Variants in GLMN observed in about 807,000 individuals in gnomAD.
GLMN encodes the protein glomulin, FKBP associated protein.
A neutral mutation model predicts 87.8 loss-of-function variants in GLMN; 75 were observed. The observed-to-expected ratio is 0.85, with a 90% CI of 0.71 to 1.04. GLMN has a LOEUF of 1.04. Among genes scored for constraint, GLMN ranks in the 50% least tolerant of loss-of-function variants. The pLI is 0.00. For missense variants in GLMN, 588 were observed against 658.8 expected, an observed-to-expected ratio of 0.89 and a Z score of 1.18; for synonymous variants, 206 against 221.6, an observed-to-expected ratio of 0.93 and a Z score of 0.63.
At chr1:92,300,554 C>T (rs1571009132), upstream of GLMN, among the ~76,000 whole-genome samples, 1 of 152,210 alleles carries the variant, frequency 6.6e-6, no homozygotes. Flanking sequence ...CTCCAAGTTT[C>T]GCTGTCACTC....
Position 92,273,606 on chromosome 1 carries a change from C to T in GLMN, c.736-1954G>A, listed in dbSNP as rs562520129. Among the ~76,000 whole-genome samples, 10 of 151,632 alleles carry T rather than the reference C, an allele frequency of 6.6e-5. No individual in the cohort carries two copies. In the South Asian group the frequency reaches 8.4e-4, roughly 13 times the overall value. ...GACTACTGGTACATGCCACCATGCC[C>T]GCTATTTTTTTTTTATTTTTTTTAT... is the stretch of plus-strand genomic sequence containing the variant. On this transcript the variant is annotated intron_variant, in intron 7 of 18. Coordinates refer to ENST00000370360, the MANE Select transcript of GLMN (RefSeq NM_053274.3).
At chr1:92,314,820 G>A in the GLMN span, among the ~76,000 whole-genome samples, 3 of 151,882 alleles carry the variant, frequency 2.0e-5, no homozygotes, top group Non-Finnish European at 4.4e-5. Context: ...CAAGGCAGGT[G>A]GATCACCTGA....
chr1:92,269,684 C>T (rs1191591783), intron 9 of GLMN, 39 bp downstream of exon 9: 5 of 1,348,832 alleles, frequency 3.7e-6, no homozygotes, highest in Non-Finnish European at 4.3e-6. Flanking sequence ...TATTTTAACA[C>T]TACTATTTCA....
the GLMN span, among the ~76,000 whole-genome samples, chr1:92,356,589 T>A: frequency 6.7e-6 from 1 of 150,026 alleles, no homozygotes; most frequent in Admixed American, 6.6e-5. Context: ...TGGCTAATTT[T>A]TTTTTTTTTT....
intron 16 of GLMN, among the ~76,000 whole-genome samples, chr1:92,252,408 A>T (rs1046519619): frequency 3.9e-5 from 6 of 152,282 alleles, no homozygotes; most frequent in Admixed American, 3.3e-4. Context: ...GGAAAAAAAA[A>T]TTAATATAAA....
At chr1:92,343,178 C>T in the GLMN span, among the ~76,000 whole-genome samples, 1 of 152,096 alleles carries the variant, frequency 6.6e-6, no homozygotes, top group Admixed American at 6.6e-5. Context: ...GTGGGGGAAC[C>T]AGGCAAGTGA....
intron 16 of GLMN, among the ~76,000 whole-genome samples, chr1:92,262,417 CAT>C (rs541012244): frequency 1.2e-3 from 180 of 152,334 alleles, no homozygotes; most frequent in Middle Eastern, 3.4e-3. Flanking sequence ...ACTTCCTAAA[CAT>C]ATCTAAAAGG....
chr1:92,278,838 T>C lies in GLMN; in HGVS notation c.736-7186A>G, dbSNP rs548938402. ...TGTACAACCAAAGATCTTCTGATAC[T>C]CTGAAATCTCAAGTATTTCATTTTC... is the stretch of plus-strand genomic sequence containing the variant. On this transcript the variant is annotated intron_variant, in intron 7 of 18. Transcript: ENST00000370360. Among the ~76,000 whole-genome samples the C allele has an allele frequency of 5.3e-5, 8 of 152,352 alleles. No homozygotes were observed. In the South Asian group the frequency reaches 8.3e-4, roughly 16 times the overall value.
the GLMN span, chr1:92,323,552 C>G: frequency 6.2e-7 from 1 of 1,613,620 alleles, no homozygotes; most frequent in South Asian, 1.1e-5. Flanking sequence ...TCTTCTAGCA[C>G]TCACAGTGAT....
chr1:92,331,927 T>C, the GLMN span, among the ~76,000 whole-genome samples: 2 of 152,180 alleles, frequency 1.3e-5, no homozygotes, highest in African/African-American at 4.8e-5. Context: ...GTTATTTTCT[T>C]TCAGCCCATT....
At chr1:92,281,329 A>G (rs922196094) in intron 7 of GLMN, among the ~76,000 whole-genome samples, 1 of 152,224 alleles carries the variant, frequency 6.6e-6, no homozygotes, top group Non-Finnish European at 1.5e-5. Flanking sequence ...TTCTTAAAGA[A>G]AAGAATTTTC....
the GLMN span, chr1:92,336,290 C>CA: frequency 1.6e-6 from 2 of 1,216,810 alleles, no homozygotes; most frequent in South Asian, 1.3e-5. Flanking sequence ...AGGCATGACC[C>CA]AAAAAAAGTT....
At chr1:92,253,499 A>G (rs976549982) in intron 16 of GLMN, among the ~76,000 whole-genome samples, 1 of 152,186 alleles carries the variant, frequency 6.6e-6, no homozygotes, top group African/African-American at 2.4e-5. Flanking sequence ...AGGGGTCAAC[A>G]GCCACCTCAT....
chr1:92,314,306 G>T, the GLMN span, among the ~76,000 whole-genome samples: 3,598 of 148,640 alleles, frequency 0.024, 99 homozygotes, highest in African/African-American at 0.068. Flanking sequence ...CATTGTAAGG[G>T]TTTTTTTGTT....
At chr1:92,268,577 A>G (rs961302423) in intron 9 of GLMN, among the ~76,000 whole-genome samples, 9 of 152,268 alleles carry the variant, frequency 5.9e-5, no homozygotes, top group Middle Eastern at 3.2e-3. Context: ...TATGAATAAC[A>G]GAAACTAAAT....
At chr1:92,276,283 T>A (rs1647289449) in intron 7 of GLMN, among the ~76,000 whole-genome samples, 1 of 151,718 alleles carries the variant, frequency 6.6e-6, no homozygotes, top group South Asian at 2.1e-4. Flanking sequence ...TATATTTACA[T>A]ATTAAAATAT....
chr1:92,310,893 A>G, the GLMN span, among the ~76,000 whole-genome samples: 1 of 152,292 alleles, frequency 6.6e-6, no homozygotes. Flanking sequence ...CGAGACTAAG[A>G]ATAAATTGTT....
chr1:92,305,808 C>T, the GLMN span, among the ~76,000 whole-genome samples: 2 of 152,048 alleles, frequency 1.3e-5, no homozygotes, highest in Non-Finnish European at 2.9e-5. Context: ...CACAAAATTG[C>T]GAATGTTAGG....
chr1:92,249,966 C>G (rs920288563), intron 16 of GLMN, among the ~76,000 whole-genome samples: 1 of 152,042 alleles, frequency 6.6e-6, no homozygotes, highest in Non-Finnish European at 1.5e-5. Context: ...TTACGTCCAG[C>G]CTTTTCTTCA....
Sources: gnomAD v4.1 joint callset for allele counts (sites outside exome capture counted in the v4.1 genomes callset) on GRCh38, gnomAD v4.1.1 for gene constraint, MANE v1.5 for transcripts, NCBI Gene and HGNC (gene_info 2026-07-23, HGNC 2026-07-21) for gene names.